The following TENM3 variants were observed in gnomAD, a reference collection of about 807,000 sequenced individuals.
The protein encoded by TENM3 is teneurin-3.
A neutral mutation model predicts 255.1 loss-of-function variants in TENM3; 63 were observed. The observed-to-expected ratio is 0.25, with a 90% confidence interval of 0.20 to 0.30. The LOEUF is 0.30. Among genes scored for constraint, TENM3 ranks in the 10% least tolerant of loss-of-function variants. The pLI, the probability that TENM3 is intolerant of heterozygous loss-of-function variation, is 1.00. For synonymous variants in TENM3, 1,306 were observed against 1,322.3 expected, an observed-to-expected ratio of 0.99 and a Z score of 0.27; for missense variants, 2,929 against 3,461.1, an observed-to-expected ratio of 0.85 and a Z score of 3.86.
intron 5 of TENM3, among the ~76,000 whole-genome samples, chr4:182,629,114 C>T (rs1034853068): frequency 6.6e-6 from 1 of 152,052 alleles, no homozygotes; most frequent in African/African-American, 2.4e-5. Flanking sequence ...TATTCTTGGA[C>T]AAAAGCTATA....
chr4:182,576,642 C>T (rs866349427), intron 3 of TENM3, among the ~76,000 whole-genome samples: 1 of 152,130 alleles, frequency 6.6e-6, no homozygotes, highest in African/African-American at 2.4e-5. Context: ...TCAATTTATT[C>T]TGCCTCTTAA....
the TENM3 span, among the ~76,000 whole-genome samples, chr4:181,486,164 CCAACA>C: frequency 1.3e-5 from 2 of 152,098 alleles, no homozygotes; most frequent in African/African-American, 4.8e-5. Flanking sequence ...CCTCGCTGCC[CCAACA>C]CACCTCAGCA....
the TENM3 span, among the ~76,000 whole-genome samples, chr4:181,495,489 A>G: frequency 6.6e-6 from 1 of 152,056 alleles, no homozygotes; most frequent in African/African-American, 2.4e-5. Flanking sequence ...TATATAGAGT[A>G]ATTGCTTTCT....
rs576152823 is a variant in TENM3 at position 182,319,256 on chromosome 4, T to C, written c.-75-4690T>C. Among the ~76,000 whole-genome samples, 6 of 152,362 alleles carry C rather than the reference T, an allele frequency of 3.9e-5. 1 individual carries two copies. In the South Asian group the frequency reaches 1.0e-3, roughly 26 times the overall value. ...GACTGTGCAGTCACTATCAAAGTGC[T>C]CTAACAATTTGGCATTACTTAAGCT... On this transcript the variant is annotated intron_variant, in intron 1 of 27. Coordinates refer to ENST00000511685, the MANE Select transcript of TENM3 (RefSeq NM_001080477.4).
chr4:182,744,218 C>A, intron 19 of TENM3: 1 of 883,722 alleles, frequency 1.1e-6, no homozygotes, highest in Non-Finnish European at 1.4e-6. Flanking sequence ...TTTTACATTT[C>A]AATGTGACCC....
At chr4:182,106,358 G>T in the TENM3 span, among the ~76,000 whole-genome samples, 1 of 152,204 alleles carries the variant, frequency 6.6e-6, no homozygotes, top group Non-Finnish European at 1.5e-5. Context: ...CTATTCAGGA[G>T]GCTGAGGTGG....
At chr4:181,633,398 G>C in the TENM3 span, among the ~76,000 whole-genome samples, 9 of 152,086 alleles carry the variant, frequency 5.9e-5, no homozygotes. Flanking sequence ...TTGTATATTT[G>C]GGTAATAGTG....
chr4:181,885,292 C>G, the TENM3 span, among the ~76,000 whole-genome samples: 3 of 152,178 alleles, frequency 2.0e-5, no homozygotes, highest in Non-Finnish European at 4.4e-5. Context: ...GAGACGGAGT[C>G]TAGCTCCATC....
chr4:181,634,257 C>A, the TENM3 span, among the ~76,000 whole-genome samples: 1 of 152,086 alleles, frequency 6.6e-6, no homozygotes, highest in African/African-American at 2.4e-5. Flanking sequence ...CTTGAAAGTT[C>A]GCCCTGTGTA....
At chr4:181,591,422 G>A in the TENM3 span, among the ~76,000 whole-genome samples, 1 of 152,212 alleles carries the variant, frequency 6.6e-6, no homozygotes, top group African/African-American at 2.4e-5. Flanking sequence ...AGACTTGTAC[G>A]TGAATGTTCA....
the TENM3 span, among the ~76,000 whole-genome samples, chr4:181,583,645 G>A: frequency 2.6e-5 from 4 of 152,136 alleles, no homozygotes; most frequent in African/African-American, 4.8e-5. Flanking sequence ...TGAGGTTGGT[G>A]AAATTATACT....
chr4:181,750,405 T>C, the TENM3 span, among the ~76,000 whole-genome samples: 1 of 152,220 alleles, frequency 6.6e-6, no homozygotes, highest in East Asian at 1.9e-4. Context: ...AATAGGTCCC[T>C]AGGTCTATCA....
At chr4:181,923,315 T>C in the TENM3 span, among the ~76,000 whole-genome samples, 3 of 152,058 alleles carry the variant, frequency 2.0e-5, no homozygotes, top group Admixed American at 6.6e-5. Flanking sequence ...ACAACACAAT[T>C]TTCATGAAAA....
chr4:181,816,530 T>C, the TENM3 span, among the ~76,000 whole-genome samples: 1 of 152,154 alleles, frequency 6.6e-6, no homozygotes, highest in Non-Finnish European at 1.5e-5. Context: ...GAACAACATA[T>C]ATGAAACTGG....
intron 3 of TENM3, among the ~76,000 whole-genome samples, chr4:182,574,579 AAC>A (rs1258540677): frequency 6.6e-6 from 1 of 152,184 alleles, no homozygotes; most frequent in Non-Finnish European, 1.5e-5. Flanking sequence ...TTTTAACTAA[AAC>A]ACATTAAAAT....
At chr4:181,742,698 T>C in the TENM3 span, among the ~76,000 whole-genome samples, 5 of 151,470 alleles carry the variant, frequency 3.3e-5, no homozygotes, top group Non-Finnish European at 7.4e-5. Flanking sequence ...TATTATACTT[T>C]AAGTTTTAGG....
the TENM3 span, among the ~76,000 whole-genome samples, chr4:181,846,323 G>A: frequency 0.038 from 5,819 of 152,016 alleles, 376 homozygotes; most frequent in African/African-American, 0.13. Context: ...AAGAATATGA[G>A]CTTCTCTTCA....
chr4:181,838,898 G>A, the TENM3 span, among the ~76,000 whole-genome samples: 1 of 151,478 alleles, frequency 6.6e-6, no homozygotes, highest in South Asian at 2.1e-4. Flanking sequence ...TATTGTCTGT[G>A]TTTCTCTCTT....
the TENM3 span, among the ~76,000 whole-genome samples, chr4:181,734,212 T>C: frequency 2.0e-5 from 3 of 152,142 alleles, no homozygotes; most frequent in Admixed American, 6.5e-5. Context: ...ATGTGAAGAC[T>C]GAATAGGTAA....
Sources: gnomAD v4.1 joint callset for allele counts (sites outside exome capture counted in the v4.1 genomes callset) on GRCh38, gnomAD v4.1.1 for gene constraint, MANE v1.5 for transcripts, NCBI Gene and HGNC (gene_info 2026-07-23, HGNC 2026-07-21) for gene names.